ABCA13: variants seen among roughly 807,000 people sequenced by gnomAD.
ABCA13 encodes the protein ATP binding cassette subfamily A member 13.
A neutral mutation model predicts 478.7 loss-of-function variants in ABCA13; 476 were observed. That is an observed-to-expected ratio of 0.99 (90% CI 0.92 to 1.07). The LOEUF (loss-of-function observed/expected upper bound fraction) is 1.07. ABCA13 is among the 50% of genes least tolerant of loss of function. The pLI is 0.00. For missense variants in ABCA13, 6,060 were observed against 5,910.6 expected, an observed-to-expected ratio of 1.03 and a Z score of -0.83; for synonymous variants, 2,252 against 2,158.9, an observed-to-expected ratio of 1.04 and a Z score of -1.20.
chr7:48,417,533 T>A (rs1243382713), intron 41 of ABCA13, among the ~76,000 whole-genome samples: 4 of 152,122 alleles, frequency 2.6e-5, no homozygotes, highest in Non-Finnish European at 4.4e-5. Flanking sequence ...TTAAAAACCT[T>A]TTAAAGAGCA....
chr7:48,480,149 G>A (rs555167102), intron 45 of ABCA13, among the ~76,000 whole-genome samples: 101 of 152,288 alleles, frequency 6.6e-4, no homozygotes, highest in Middle Eastern at 6.8e-3. Flanking sequence ...GACTCCAGAC[G>A]TCTTATCCAT....
At chr7:48,240,237 A>G (rs547439468) in intron 9 of ABCA13, among the ~76,000 whole-genome samples, 176 of 152,346 alleles carry the variant, frequency 1.2e-3, no homozygotes, top group African/African-American at 4.2e-3. Flanking sequence ...AAAATAATCA[A>G]GGGACAGTGC....
chr7:48,624,324 C>G (rs1408885294), intron 59 of ABCA13, among the ~76,000 whole-genome samples: 6 of 152,092 alleles, frequency 3.9e-5, no homozygotes. Flanking sequence ...TGGAGGGAAC[C>G]ATTAACAGCT....
chr7:48,543,757 GATAC>G (rs1209902658), intron 55 of ABCA13, among the ~76,000 whole-genome samples: 1 of 151,744 alleles, frequency 6.6e-6, no homozygotes, highest in Non-Finnish European at 1.5e-5. Flanking sequence ...ACAAACAACA[GATAC>G]ATATATATTT....
At chr7:48,547,576 G>A (rs1784930753) in intron 55 of ABCA13, among the ~76,000 whole-genome samples, 3 of 151,784 alleles carry the variant, frequency 2.0e-5, no homozygotes, top group Admixed American at 2.0e-4. Flanking sequence ...TATGTGCAGA[G>A]GTGTTCTTAA....
At chr7:48,612,193 A>G (rs1259833502) in intron 58 of ABCA13, 1 of 152,214 alleles carries the variant, frequency 6.6e-6, no homozygotes, top group Admixed American at 6.5e-5. Context: ...GGAGAAAAAC[A>G]AAATCCAGGT....
chr7:48,407,976 C>A (rs1305229414), intron 39 of ABCA13, among the ~76,000 whole-genome samples: 1 of 152,092 alleles, frequency 6.6e-6, no homozygotes, highest in African/African-American at 2.4e-5. Flanking sequence ...GTCTTAGAAC[C>A]AATGCTCCAC....
chr7:48,472,042 T>A (rs1161713022), intron 45 of ABCA13, among the ~76,000 whole-genome samples: 2 of 152,192 alleles, frequency 1.3e-5, no homozygotes, highest in African/African-American at 4.8e-5. Flanking sequence ...CATGTGGAAG[T>A]AGGTGTGCCA....
At chr7:48,437,229 G>A (rs923756374) in intron 42 of ABCA13, among the ~76,000 whole-genome samples, 2 of 151,872 alleles carry the variant, frequency 1.3e-5, no homozygotes, top group Admixed American at 6.6e-5. Context: ...TAATTGGTAC[G>A]TCTTCTTAGT....
chr7:48,491,378 G>A (rs1466118966), intron 48 of ABCA13, among the ~76,000 whole-genome samples: 1 of 152,184 alleles, frequency 6.6e-6, no homozygotes, highest in African/African-American at 2.4e-5. Flanking sequence ...CAAAGGTTCT[G>A]TAGCCCTTGA....
At chr7:48,524,181 T>C (rs1832738467) in intron 53 of ABCA13, 67 bp from the exon 54 acceptor site, 1 of 1,429,490 alleles carries the variant, frequency 7.0e-7, no homozygotes, top group Non-Finnish European at 9.4e-7. Context: ...TCTGACCTTT[T>C]TGCCTCTTCT....
At chr7:48,571,530 T>C (rs1240977587) in intron 55 of ABCA13, among the ~76,000 whole-genome samples, 1 of 152,040 alleles carries the variant, frequency 6.6e-6, no homozygotes. Flanking sequence ...TATGCCATCC[T>C]ATTGTGTTCT....
At chr7:48,376,636 A>G in intron 35 of ABCA13, 64 bp downstream of exon 35, 2 of 1,505,882 alleles carry the variant, frequency 1.3e-6, no homozygotes, top group South Asian at 1.2e-5. Context: ...ATTAATATGC[A>G]TAAATATTAG....
At chr7:48,335,361 A>G in intron 27 of ABCA13, 61 bp from the exon 28 acceptor site, 1 of 1,285,802 alleles carries the variant, frequency 7.8e-7, no homozygotes, top group Non-Finnish European at 1.1e-6. Context: ...TCCTTGTTGG[A>G]AGATTTATCT....
At chr7:48,285,274 G>A (rs1318453988) in intron 19 of ABCA13, among the ~76,000 whole-genome samples, 1 of 152,180 alleles carries the variant, frequency 6.6e-6, no homozygotes, top group East Asian at 1.9e-4. Context: ...GGCAGATCTG[G>A]AAAGCCAGAG....
At chr7:48,306,457 C>T (rs1800915357) in intron 23 of ABCA13, among the ~76,000 whole-genome samples, 1 of 152,046 alleles carries the variant, frequency 6.6e-6, no homozygotes, top group Non-Finnish European at 1.5e-5. Flanking sequence ...TGGATGAGGT[C>T]CATTTTGAGG....
At chr7:48,509,159 T>C (rs1831464749) in intron 50 of ABCA13, among the ~76,000 whole-genome samples, 1 of 152,198 alleles carries the variant, frequency 6.6e-6, no homozygotes, top group South Asian at 2.1e-4. Flanking sequence ...TTTATGAATC[T>C]TAACCAAGAT....
chr7:48,531,006 G>T (rs190840859), intron 55 of ABCA13, among the ~76,000 whole-genome samples: 162 of 152,174 alleles, frequency 1.1e-3, no homozygotes, highest in Admixed American at 2.8e-3. Flanking sequence ...AGTCCCATCT[G>T]TTTATCTTTG....
intron 42 of ABCA13, among the ~76,000 whole-genome samples, chr7:48,429,109 G>A (rs1397105929): frequency 6.6e-6 from 1 of 152,170 alleles, no homozygotes; most frequent in Non-Finnish European, 1.5e-5. Context: ...CCATGTTACA[G>A]CGTGCCAGTA....
Sources: gnomAD v4.1 joint callset for allele counts (sites outside exome capture counted in the v4.1 genomes callset) on GRCh38, gnomAD v4.1.1 for gene constraint, MANE v1.5 for transcripts, NCBI Gene and HGNC (gene_info 2026-07-23, HGNC 2026-07-21) for gene names.